MAP2K5: variants seen among roughly 807,000 people sequenced by gnomAD.
The protein encoded by MAP2K5 is dual specificity mitogen-activated protein kinase kinase 5.
MAP2K5 carries 49 observed loss-of-function variants against 83.1 expected under a neutral mutation model. The observed-to-expected ratio is 0.59, with a 90% CI of 0.47 to 0.75. The LOEUF is 0.75. Ranked by LOEUF, MAP2K5 falls within the 30% of genes least tolerant of loss-of-function variation. The probability of loss-of-function intolerance (pLI) is 0.00; values close to 1 mark genes in which losing one functional copy is unlikely to be tolerated. For missense variants in MAP2K5, 457 were observed against 557.5 expected (o/e 0.82, Z 1.82); for synonymous variants, 202 against 191.8 (o/e 1.05, Z -0.44).
chr15:67,754,757 G>A (rs894519360), intron 19 of MAP2K5, among the ~76,000 whole-genome samples: 1 of 152,160 alleles, frequency 6.6e-6, no homozygotes, highest in African/African-American at 2.4e-5. Flanking sequence ...GTGTGAGGCA[G>A]CTTTGAAGAC....
chr15:67,748,220 C>A lies in MAP2K5; in HGVS notation c.1075-11C>A, dbSNP rs1486046934. On this transcript the variant is annotated splice_polypyrimidine_tract_variant and intron_variant, in intron 17 of 21. Transcript: ENST00000178640. The surrounding 1 kb of genome is among the most constrained non-coding windows in gnomAD (Gnocchi z 4.0). The stretch of plus-strand genomic sequence containing the variant: ...ATTATGACATGCTAATTACATATTG[C>A]CTTTTTTCAGATTCAGAAAAACCAG... The A allele has an allele frequency of 6.3e-7, 1 of 1,598,562 alleles. No homozygotes were observed. The highest frequency in any genetic ancestry group is 8.6e-7 in the Non-Finnish European group (1 of 1,166,686).
intron 13 of MAP2K5, among the ~76,000 whole-genome samples, chr15:67,679,271 A>C (rs911778137): frequency 6.6e-6 from 1 of 152,074 alleles, no homozygotes; most frequent in Non-Finnish European, 1.5e-5. Context: ...GGATTGTTTA[A>C]TGGCTAATTG....
In MAP2K5 at chr15:67,764,596, A is replaced by G. The variant is rs2090007554; in HGVS notation, c.1135-5006A>G. On this transcript the variant is annotated intron_variant, in intron 19 of 21. Coordinates refer to ENST00000178640, the MANE Select transcript of MAP2K5 (RefSeq NM_145160.3). The surrounding 1 kb of genome is among the most constrained non-coding windows in gnomAD (Gnocchi z 4.9). ...AATTCTTTGAGGATATGGATTAAGT[A>G]TCAGCCATTCCACAATGCCAGGCTC... Among the ~76,000 whole-genome samples the G allele has an allele frequency of 6.6e-6, 1 of 152,234 alleles. No individual in the cohort carries two copies. Among genetic ancestry groups the G allele is most frequent in the Admixed American group, 6.5e-5 (1 of 15,280 alleles).
chr15:67,681,652 A>T (rs72751407), intron 13 of MAP2K5, among the ~76,000 whole-genome samples: 2 of 152,094 alleles, frequency 1.3e-5, no homozygotes, highest in African/African-American at 4.8e-5. Context: ...TTAAATTAGG[A>T]AACACCTAAA....
rs1417140473 is a variant in MAP2K5, at chr15:67,657,712, G to T, written c.737-841G>T. Among the ~76,000 whole-genome samples, 4 of 151,270 alleles carry T rather than the reference G, an allele frequency of 2.6e-5. No homozygotes were observed. In the East Asian group the frequency reaches 7.8e-4, roughly 29 times the overall value. ...CTGCTTTAAATGGGATAAATATAAA[G>T]CCAGTAGCCATATATATATATATAT... is the stretch of plus-strand genomic sequence containing the variant. On this transcript the variant is annotated intron_variant, in intron 11 of 21. Coordinates refer to ENST00000178640, the MANE Select transcript of MAP2K5 (RefSeq NM_145160.3).
intron 9 of MAP2K5, chr15:67,642,546 A>G: frequency 9.2e-7 from 1 of 1,084,148 alleles, no homozygotes; most frequent in Non-Finnish European, 1.4e-6. Context: ...TCTAAAAGAT[A>G]GAACAGGTTT....
intron 7 of MAP2K5, among the ~76,000 whole-genome samples, chr15:67,599,070 G>A (rs1272314463): frequency 5.3e-5 from 8 of 152,162 alleles, no homozygotes; most frequent in African/African-American, 1.9e-4. Flanking sequence ...TGCTAGTTTA[G>A]CATCTCGTCA....
At chr15:67,725,285 A>G (rs1359754824) in intron 16 of MAP2K5, among the ~76,000 whole-genome samples, 1 of 152,244 alleles carries the variant, frequency 6.6e-6, no homozygotes, top group East Asian at 1.9e-4. Context: ...AGATGAATGC[A>G]CATTCCCAAG....
At position 67,720,508 on chromosome 15, in the gene MAP2K5, C is replaced by G. The variant is rs1382582292; in HGVS notation, c.1045-7408C>G. Among the ~76,000 whole-genome samples the G allele has an allele frequency of 2.0e-5, 3 of 152,108 alleles. No homozygotes were observed. The highest frequency in any genetic ancestry group is 4.8e-5 in the African/African-American group (2 of 41,428). ...AAAACAATAGCATTTAGCCTGAAAT[C>G]TACTTTTTATCATCTTTACCCAGCC... is the stretch of plus-strand genomic sequence containing the variant. On this transcript the variant is annotated intron_variant, in intron 16 of 21. Coordinates refer to ENST00000178640, the MANE Select transcript of MAP2K5 (RefSeq NM_145160.3). This position sits in a 1 kb window ranked among gnomAD's most constrained non-coding sequence, Gnocchi z 5.7.
intron 9 of MAP2K5, among the ~76,000 whole-genome samples, chr15:67,639,594 G>T (rs1216518660): frequency 6.6e-6 from 1 of 152,158 alleles, no homozygotes; most frequent in Non-Finnish European, 1.5e-5. Context: ...CTTGCCAAGG[G>T]TCATCCTGGT....
chr15:67,584,491 C>T (rs2085247473), intron 4 of MAP2K5, among the ~76,000 whole-genome samples: 1 of 151,878 alleles, frequency 6.6e-6, no homozygotes, highest in African/African-American at 2.4e-5. Context: ...GGTTAATTTC[C>T]ATTTTAAGGA....
chr15:67,797,322 G>GT (rs2090621936), intron 21 of MAP2K5, among the ~76,000 whole-genome samples: 1 of 152,176 alleles, frequency 6.6e-6, no homozygotes, highest in Non-Finnish European at 1.5e-5. Flanking sequence ...TCCTTCGGAG[G>GT]TTTCTTTTCC....
rs2090270136 is a variant in MAP2K5, at chr15:67,778,131, T to C, written c.1242+5379T>C. Among the ~76,000 whole-genome samples the C allele has an allele frequency of 6.6e-6, 1 of 152,248 alleles. No homozygotes were observed. The highest frequency in any genetic ancestry group is 2.4e-5 in the African/African-American group (1 of 41,464). On this transcript the variant is annotated intron_variant, in intron 21 of 21. Coordinates refer to ENST00000178640, the MANE Select transcript of MAP2K5 (RefSeq NM_145160.3). This position sits in a 1 kb window ranked among gnomAD's most constrained non-coding sequence, Gnocchi z 5.0. ...TGGGGGCTAATAAACACCAAACTGC[T>C]CTAGAAAAATCTGTTTAAACATTTA...
intron 9 of MAP2K5, among the ~76,000 whole-genome samples, chr15:67,635,336 G>A (rs959704549): frequency 9.2e-5 from 14 of 151,720 alleles, no homozygotes; most frequent in African/African-American, 2.4e-4. Flanking sequence ...CACCACGCCC[G>A]GCTAATTTTT....
intron 11 of MAP2K5, among the ~76,000 whole-genome samples, chr15:67,655,779 G>T (rs7178987): frequency 0.82 from 124,266 of 152,032 alleles, 50,941 homozygotes; most frequent in Admixed American, 0.88. Flanking sequence ...GAAGTTTGGG[G>T]TCATTGTTTT....
chr15:67,667,631 T>C (rs555016035), intron 13 of MAP2K5, among the ~76,000 whole-genome samples: 2 of 152,140 alleles, frequency 1.3e-5, no homozygotes, highest in East Asian at 3.9e-4. Context: ...CATTTTCTAA[T>C]GCCGTTCTTA....
rs1042995323 is a variant in MAP2K5, at chr15:67,573,296, A to G, written c.253-7458A>G. Among the ~76,000 whole-genome samples, 2 of 152,202 alleles carry G rather than the reference A, an allele frequency of 1.3e-5. No homozygotes were observed. Among genetic ancestry groups the G allele is most frequent in the Admixed American group, 6.5e-5 (1 of 15,278 alleles). ...TAAAGAAAAGAGGTTTAATTGACAC[A>G]GTTCTGCATGGCTGGGGAGGCCTCA... On this transcript the variant is annotated intron_variant, in intron 3 of 21. Coordinates refer to ENST00000178640, the MANE Select transcript of MAP2K5 (RefSeq NM_145160.3). This position sits in a 1 kb window ranked among gnomAD's most constrained non-coding sequence, Gnocchi z 4.2.
Position 67,561,217 on chromosome 15 carries a change from G to A in MAP2K5, c.185-2066G>A, listed in dbSNP as rs560180978. On this transcript the variant is annotated intron_variant, in intron 2 of 21. Transcript: ENST00000178640. The surrounding 1 kb of genome is among the most constrained non-coding windows in gnomAD (Gnocchi z 4.2). ...TGGTTTTAAAGCAAAAATGTAAAGT[G>A]CTTTCATGTGTGGTGATATGTAACA... 3.3e-5 allele frequency among the ~76,000 whole-genome samples: 5 copies of A among 152,270 alleles called. No homozygotes were observed. The highest frequency in any genetic ancestry group is 1.2e-4 in the African/African-American group (5 of 41,548).
In MAP2K5 at chr15:67,574,747, G is replaced by A. The variant is rs1334804325; in HGVS notation, c.253-6007G>A. ...CTGGGCGTGGTGTCGGGCGCCTGTA[G>A]TCCCAGCTACTCAGGAGGCTGAGAC... On this transcript the variant is annotated intron_variant, in intron 3 of 21. Coordinates refer to ENST00000178640, the MANE Select transcript of MAP2K5 (RefSeq NM_145160.3). 2.6e-5 allele frequency among the ~76,000 whole-genome samples: 4 copies of A among 151,820 alleles called. No homozygotes were observed. In the South Asian group the frequency reaches 6.2e-4, roughly 24 times the overall value.
Sources: gnomAD v4.1 joint callset for allele counts (sites outside exome capture counted in the v4.1 genomes callset) on GRCh38, gnomAD v4.1.1 for gene constraint, Gnocchi (gnomAD v3.1) non-coding constraint, MANE v1.5 for transcripts, NCBI Gene and HGNC (gene_info 2026-07-23, HGNC 2026-07-21) for gene names.